The following ACSL5 variants were observed in gnomAD, a reference collection of about 807,000 sequenced individuals.
ACSL5 encodes long-chain-fatty-acid--CoA ligase 5.
Under a neutral mutation model 84.9 loss-of-function variants are expected in ACSL5, and 50 were observed. The ratio of observed to expected loss-of-function variants is 0.59; its 90% CI spans 0.47 to 0.75. ACSL5 has a LOEUF of 0.75. Among genes scored for constraint, ACSL5 ranks in the 30% least tolerant of loss-of-function variants. The probability of loss-of-function intolerance (pLI) is 0.00; values close to 1 mark genes in which losing one functional copy is unlikely to be tolerated. For missense variants in ACSL5, 775 were observed against 830.4 expected (o/e 0.93, Z 0.82); for synonymous variants, 280 against 300.7 (o/e 0.93, Z 0.71).
intron 6 of ACSL5, chr10:112,408,793 C>T (rs1844112280): frequency 2.9e-6 from 1 of 349,836 alleles, no homozygotes; most frequent in Non-Finnish European, 5.5e-6. Flanking sequence ...AGACTACTCA[C>T]TCTGAACACA....
intron 1 of ACSL5, among the ~76,000 whole-genome samples, chr10:112,380,557 T>G (rs1326077678): frequency 6.6e-6 from 1 of 151,964 alleles, no homozygotes; most frequent in African/African-American, 2.4e-5. Context: ...TTGTCCCACT[T>G]TAGTGCCTCT....
In ACSL5 at chr10:112,416,907, C is replaced by T. The variant is rs760452705; in HGVS notation, c.1103C>T (p.Thr368Ile). The part of the protein sequence containing the change: ...IYDKVQNEAK[T>I]PLKKFLLKLA... Reference sequence around the variant, plus strand: ...CTGCAGGTACAAAATGAGGCCAAGACACCCTTGAAGAAGTTCTTGTTGAAG... The same window carrying T: ...CTGCAGGTACAAAATGAGGCCAAGATACCCTTGAAGAAGTTCTTGTTGAAG... The change falls in exon 13 of 21, where the codon ACA (threonine) becomes ATA (isoleucine). Residue 368 changes from threonine to isoleucine, a missense_variant. Physicochemically the swap from Thr to Ile is moderately conservative, Grantham distance 89. Coordinates refer to ENST00000354655, the MANE Select transcript of ACSL5 (RefSeq NM_203379.2). 1 of 1,614,080 alleles carries T rather than the reference C, an allele frequency of 6.2e-7. No homozygotes were observed. The highest frequency in any genetic ancestry group is 8.5e-7 in the Non-Finnish European group (1 of 1,179,996).
At chr10:112,413,722 C>T (rs1202180957) in intron 12 of ACSL5, among the ~76,000 whole-genome samples, 1 of 151,890 alleles carries the variant, frequency 6.6e-6, no homozygotes, top group Non-Finnish European at 1.5e-5. Flanking sequence ...AAGACTCCAT[C>T]TCAAAAAATA....
chr10:112,390,919 G>A (rs541905896), intron 1 of ACSL5, among the ~76,000 whole-genome samples: 30 of 152,270 alleles, frequency 2.0e-4, no homozygotes, highest in Admixed American at 2.0e-3. Context: ...GGCATTGAAG[G>A]GTTTGTTAAT....
chr10:112,410,294 T>C, intron 7 of ACSL5, 169 bp from the exon 8 acceptor site: 13 of 1,546,606 alleles, frequency 8.4e-6, no homozygotes, highest in Non-Finnish European at 1.0e-5. Context: ...TGCTCTTCCC[T>C]GGGGCTTCCA....
At position 112,404,825 on chromosome 10, in the gene ACSL5, A is replaced by T; in HGVS notation, c.432+19A>T. On this transcript the variant is annotated intron_variant, in intron 5 of 20. Coordinates refer to ENST00000354655, the MANE Select transcript of ACSL5 (RefSeq NM_203379.2). ...GCCAGAGGTAACTATGTTGAAGTTA[A>T]CTAAAGGAAATGAGTCAGGGTTAAG... 6.3e-7 allele frequency: 1 copy of T among 1,590,608 alleles called. No individual in the cohort carries two copies. Among genetic ancestry groups the T allele is most frequent in the Non-Finnish European group, 8.6e-7 (1 of 1,162,100 alleles).
chr10:112,383,767 C>T (rs1849396334), intron 1 of ACSL5, among the ~76,000 whole-genome samples: 1 of 152,028 alleles, frequency 6.6e-6, no homozygotes, highest in Non-Finnish European at 1.5e-5. Context: ...TCTAAATTAG[C>T]TGCCTGTGTT....
In ACSL5 at chr10:112,408,416, G is replaced by A. The variant is rs761205377; in HGVS notation, c.433-6G>A. The A allele has an allele frequency of 6.9e-6, 11 of 1,595,276 alleles. No individual in the cohort carries two copies. Among genetic ancestry groups the A allele is most frequent in the Non-Finnish European group, 9.5e-6 (11 of 1,163,304 alleles). On this transcript the variant is annotated splice_polypyrimidine_tract_variant and splice_region_variant and intron_variant, in intron 5 of 20. Transcript: ENST00000354655. ...CCAGTCCTTACTTGAACTTCTCTCTGTACAGTGGATCATCTCCGAATTGGC... is the reference window on the plus strand; with the variant it reads ...CCAGTCCTTACTTGAACTTCTCTCTATACAGTGGATCATCTCCGAATTGGC...
At chr10:112,422,159 C>G in intron 16 of ACSL5, 124 bp downstream of exon 16, 1 of 1,186,636 alleles carries the variant, frequency 8.4e-7, no homozygotes, top group Non-Finnish European at 1.2e-6. Context: ...ATTAAGCATT[C>G]TGAACTTCAC....
At chr10:112,405,814 C>G (rs1484254472) in intron 5 of ACSL5, among the ~76,000 whole-genome samples, 5 of 151,918 alleles carry the variant, frequency 3.3e-5, no homozygotes, top group African/African-American at 9.7e-5. Flanking sequence ...TGCTTTCTTA[C>G]AATATAGTAA....
At chr10:112,407,452 G>C (rs1229911935) in intron 5 of ACSL5, among the ~76,000 whole-genome samples, 1 of 152,074 alleles carries the variant, frequency 6.6e-6, no homozygotes, top group East Asian at 1.9e-4. Flanking sequence ...TCAATCTCTT[G>C]ACCTCGTGAT....
At chr10:112,422,252 G>C in intron 16 of ACSL5, 73 bp from the exon 17 acceptor site, 1 of 1,287,184 alleles carries the variant, frequency 7.8e-7, no homozygotes, top group Non-Finnish European at 1.1e-6. Flanking sequence ...AGGGGAGCAG[G>C]TGTTTCATAA....
At chr10:112,422,540 G>C (rs1844491601) in intron 17 of ACSL5, 99 bp downstream of exon 17, 1 of 1,121,762 alleles carries the variant, frequency 8.9e-7, no homozygotes, top group South Asian at 1.4e-5. Flanking sequence ...AGGTTAATCA[G>C]CTGAGGCAGC....
In ACSL5 at chr10:112,425,318, C is replaced by A; in HGVS notation, c.1594-20C>A. ...TCTCTGTGGCTCAAAAATACTGATACTTTTATCTGTCTCATGTAGAATGGA... is the reference window on the plus strand; with the variant it reads ...TCTCTGTGGCTCAAAAATACTGATAATTTTATCTGTCTCATGTAGAATGGA... On this transcript the variant is annotated intron_variant, in intron 17 of 20. Coordinates refer to ENST00000354655, the MANE Select transcript of ACSL5 (RefSeq NM_203379.2). 6.3e-7 allele frequency: 1 copy of A among 1,589,390 alleles called. No homozygotes were observed. Among genetic ancestry groups the A allele is most frequent in the Non-Finnish European group, 8.6e-7 (1 of 1,168,766 alleles).
chr10:112,392,258 G>C (rs1308220991), intron 1 of ACSL5, among the ~76,000 whole-genome samples: 1 of 151,922 alleles, frequency 6.6e-6, no homozygotes, highest in Non-Finnish European at 1.5e-5. Flanking sequence ...GACCACTTGA[G>C]CCCAGGAGTT....
At chr10:112,415,457 T>C (rs774700986) in intron 12 of ACSL5, among the ~76,000 whole-genome samples, 3 of 152,190 alleles carry the variant, frequency 2.0e-5, no homozygotes, top group Non-Finnish European at 4.4e-5. Flanking sequence ...TGAAGGACTT[T>C]ATTAGCACAC....
At chr10:112,415,956 A>AGG (rs1430669854) in intron 12 of ACSL5, among the ~76,000 whole-genome samples, 1 of 152,226 alleles carries the variant, frequency 6.6e-6, no homozygotes, top group Non-Finnish European at 1.5e-5. Flanking sequence ...CAGTGAGGTC[A>AGG]GAGTCAGGGA....
At chr10:112,401,800 C>CTT (rs545227640) in intron 3 of ACSL5, among the ~76,000 whole-genome samples, 3 of 69,508 alleles carry the variant, frequency 4.3e-5, no homozygotes, top group Admixed American at 1.9e-4. Flanking sequence ...TTCTTTCTTT[C>CTT]TTTCTTTCTT....
intron 1 of ACSL5, among the ~76,000 whole-genome samples, chr10:112,379,711 C>CT (rs1849312506): frequency 6.6e-6 from 1 of 152,130 alleles, no homozygotes; most frequent in African/African-American, 2.4e-5. Context: ...CTCAGTGACT[C>CT]TAAGTAACTG....
Sources: gnomAD v4.1 joint callset for allele counts (sites outside exome capture counted in the v4.1 genomes callset) on GRCh38, gnomAD v4.1.1 for gene constraint, MANE v1.5 for transcripts, NCBI Gene and HGNC (gene_info 2026-07-23, HGNC 2026-07-21) for gene names.